DOCK9: variants seen among roughly 807,000 people sequenced by gnomAD.
The protein encoded by DOCK9 is dedicator of cytokinesis 9.
In DOCK9, 89 loss-of-function variants were observed where a neutral mutation model predicts 263.3. That is an observed-to-expected ratio of 0.34 (90% CI 0.28 to 0.40). The LOEUF is 0.40. Ranked by LOEUF, DOCK9 falls within the 10% of genes least tolerant of loss-of-function variation. DOCK9 has a pLI of 1.00. For synonymous variants in DOCK9, 976 were observed against 973.1 expected (o/e 1.00, Z -0.06); for missense variants, 2,140 against 2,603.4 (o/e 0.82, Z 3.87).
Position 98,793,771 on chromosome 13 carries a change from T to C in DOCK9, c.*855A>G, listed in dbSNP as rs2088998357. On this transcript the variant is annotated 3_prime_UTR_variant, in exon 53 of 53. Transcript: ENST00000682017. ...ATAGTAAAGACTGTATACATCTCCA[T>C]ATTGCACATTTTTATGTACAAGAAT... The C allele has an allele frequency of 6.6e-6, 1 of 152,638 alleles. No individual in the cohort carries two copies. Among genetic ancestry groups the C allele is most frequent in the Non-Finnish European group, 1.5e-5 (1 of 68,042 alleles). The allele number at this position is 152,638 out of a possible 1,614,324, so 9.5% of individuals were successfully genotyped here.
At chr13:98,890,683 C>A (rs2046482668) in intron 15 of DOCK9, among the ~76,000 whole-genome samples, 1 of 152,212 alleles carries the variant, frequency 6.6e-6, no homozygotes, top group Non-Finnish European at 1.5e-5. Flanking sequence ...TTTGCAGATT[C>A]TTTGGACATG....
chr13:98,852,910 A>C (rs1316553682), intron 35 of DOCK9, among the ~76,000 whole-genome samples: 1 of 152,226 alleles, frequency 6.6e-6, no homozygotes, highest in Non-Finnish European at 1.5e-5. Flanking sequence ...CATTTCCATT[A>C]GAAAACTAAA....
At chr13:99,029,729 C>A (rs1351887806) in intron 1 of DOCK9, among the ~76,000 whole-genome samples, 1 of 152,168 alleles carries the variant, frequency 6.6e-6, no homozygotes, top group Non-Finnish European at 1.5e-5. Context: ...ACATTGCTGA[C>A]AAAGCCACTT....
At chr13:98,867,075 T>C (rs1376844901) in intron 30 of DOCK9, 1 of 450,786 alleles carries the variant, frequency 2.2e-6, no homozygotes, top group Non-Finnish European at 4.4e-6. Context: ...TACAGGAGTG[T>C]CATTTGACTC....
Position 99,071,306 on chromosome 13 carries a change from C to CCTTTTTTTTTTTTT in DOCK9, c.129+14916_129+14917insAAAAAAAAAAAAAG, listed in dbSNP as rs1286343497. ...TACAGGTGCTTGCCACCATGCCTGG[C>CCTTTTTTTTTTTTT]TTTTTTTTTTTTTTTTTTTTTTTTT... On this transcript the variant is annotated intron_variant, in intron 1 of 32. Coordinates refer to the DOCK9 transcript ENST00000427887. Among the ~76,000 whole-genome samples the CCTTTTTTTTTTTTT allele has an allele frequency of 3.2e-4, 16 of 49,326 alleles. No homozygotes were observed. The Admixed American group carries it at 3.6e-3, about 11-fold the overall frequency. The allele number at this position is 49,326 out of a possible 152,430, so 32.4% of individuals were successfully genotyped here.
chr13:98,954,746 C>T (rs1453701748), intron 2 of DOCK9, among the ~76,000 whole-genome samples: 1 of 152,128 alleles, frequency 6.6e-6, no homozygotes, highest in Non-Finnish European at 1.5e-5. Flanking sequence ...CAAAGCCCAT[C>T]ATTAAGATTC....
chr13:99,051,055 G>A (rs181844821), intron 1 of DOCK9, among the ~76,000 whole-genome samples: 24 of 152,270 alleles, frequency 1.6e-4, no homozygotes, highest in East Asian at 9.6e-4. Flanking sequence ...CCGCCTCTGC[G>A]AGGACCCCTC....
At position 98,853,435 on chromosome 13, in the gene DOCK9, G is replaced by C. The variant is rs201892495; in HGVS notation, c.3919C>G (p.Leu1307Val). Reference protein sequence around the residue: ...SEIKSLLMCFLYILKSMSDDA... With the variant: ...SEIKSLLMCFVYILKSMSDDA... ...TCAGACATGCTCTTTAAGATGTAGA[G>C]GAAACACATCAGTAGGCTCTTAATC... The change falls in exon 35 of 53, where the codon CTC (leucine) becomes GTC (valine). Residue 1307 changes from leucine (L) to valine (V), a missense_variant. By Grantham distance (32) the Leu-to-Val change is conservative. Around this residue, in one of 2 missense-constraint regions of DOCK9, gnomAD observed 1,521 missense variants for 1,741.7 expected, o/e 0.87. Transcript: ENST00000682017. The C allele has an allele frequency of 3.2e-5, 51 of 1,612,076 alleles. No homozygotes were observed. The highest frequency in any genetic ancestry group is 4.2e-5 in the Non-Finnish European group (49 of 1,179,122).
At chr13:99,074,284 C>A (rs1350677946) in intron 1 of DOCK9, among the ~76,000 whole-genome samples, 1 of 152,230 alleles carries the variant, frequency 6.6e-6, no homozygotes, top group Non-Finnish European at 1.5e-5. Flanking sequence ...CTTGTAATGT[C>A]ATGACTTCTC....
chr13:98,822,231 G>GGT (rs1208201483), intron 45 of DOCK9, among the ~76,000 whole-genome samples: 1 of 152,146 alleles, frequency 6.6e-6, no homozygotes, highest in Non-Finnish European at 1.5e-5. Context: ...CTGATAAAGG[G>GGT]GTCCTTGTCA....
intron 1 of DOCK9, among the ~76,000 whole-genome samples, chr13:98,967,271 C>T (rs1366101332): frequency 3.3e-5 from 5 of 152,196 alleles, no homozygotes; most frequent in Non-Finnish European, 5.9e-5. Flanking sequence ...GGACAGTGCA[C>T]GAATGCACCA....
chr13:98,935,002 T>C (rs904807464), intron 2 of DOCK9, among the ~76,000 whole-genome samples: 1 of 152,106 alleles, frequency 6.6e-6, no homozygotes, highest in African/African-American at 2.4e-5. Flanking sequence ...AAATAATTAT[T>C]AGAGTGTGAT....
intron 1 of DOCK9, among the ~76,000 whole-genome samples, chr13:99,056,219 G>A (rs2040915261): frequency 6.6e-6 from 1 of 152,160 alleles, no homozygotes; most frequent in Non-Finnish European, 1.5e-5. Flanking sequence ...TTTTGAAAGT[G>A]CAATTGTGAG....
chr13:99,047,417 G>T lies in DOCK9; in HGVS notation c.129+38806C>A, dbSNP rs1397193999. ...GTCTTTCTACTTTTAAACATTCTGG[G>T]GCCTAAGAACATCTTCTTAGTCTCA... On this transcript the variant is annotated intron_variant, in intron 1 of 32. Coordinates refer to the DOCK9 transcript ENST00000427887. Among the ~76,000 whole-genome samples the T allele has an allele frequency of 4.0e-5, 6 of 151,854 alleles. 1 individual carries two copies. The highest frequency in any genetic ancestry group is 1.5e-4 in the African/African-American group (6 of 41,288).
At chr13:98,952,479 C>T (rs2057553207) in intron 2 of DOCK9, among the ~76,000 whole-genome samples, 2 of 152,296 alleles carry the variant, frequency 1.3e-5, no homozygotes, top group African/African-American at 4.8e-5. Flanking sequence ...TTGTGATCTG[C>T]CCACCTCGGC....
intron 1 of DOCK9, among the ~76,000 whole-genome samples, chr13:98,965,748 T>G (rs747375245): frequency 1.3e-5 from 2 of 152,216 alleles, no homozygotes; most frequent in Non-Finnish European, 2.9e-5. Context: ...ACTACAGCAG[T>G]TAATGCTTTG....
At chr13:99,000,628 T>G (rs942295903) in intron 1 of DOCK9, among the ~76,000 whole-genome samples, 1 of 152,068 alleles carries the variant, frequency 6.6e-6, no homozygotes, top group Non-Finnish European at 1.5e-5. Flanking sequence ...AAATAAAAAT[T>G]GAAACTCATG....
chr13:99,063,530 A>G (rs1596017782), intron 1 of DOCK9, among the ~76,000 whole-genome samples: 2 of 152,130 alleles, frequency 1.3e-5, no homozygotes, highest in South Asian at 4.2e-4. Flanking sequence ...CCAACCTGAC[A>G]CCCCTTGGTT....
chr13:98,921,705 C>T (rs2052023561), intron 6 of DOCK9, among the ~76,000 whole-genome samples: 1 of 152,344 alleles, frequency 6.6e-6, no homozygotes, highest in Non-Finnish European at 1.5e-5. Flanking sequence ...TACACCTCCA[C>T]AGAAGTGCTC....
Sources: allele counts gnomAD v4.1 joint callset (sites outside exome capture counted in the v4.1 genomes callset), GRCh38; gene constraint gnomAD v4.1.1; regional missense constraint gnomAD v4.1.1; transcripts MANE v1.5; gene names NCBI Gene and HGNC (gene_info 2026-07-23, HGNC 2026-07-21).